Variants in CRB1 observed in about 807,000 individuals in gnomAD.
The protein encoded by CRB1 is protein crumbs homolog 1.
Under a neutral mutation model 120.0 loss-of-function variants are expected in CRB1, and 83 were observed. The ratio of observed to expected loss-of-function variants is 0.69; its 90% CI spans 0.58 to 0.83. The LOEUF (loss-of-function observed/expected upper bound fraction) is 0.83. Among genes scored for constraint, CRB1 ranks in the 40% least tolerant of loss-of-function variants. The pLI is 0.00. For synonymous variants in CRB1, 625 were observed against 612.5 expected (o/e 1.02, Z -0.30); for missense variants, 1,699 against 1,687.6 (o/e 1.01, Z -0.12).
At chr1:197,237,918 G>GAA in the CRB1 span, among the ~76,000 whole-genome samples, 14 of 151,628 alleles carry the variant, frequency 9.2e-5, no homozygotes, top group Non-Finnish European at 1.3e-4. Flanking sequence ...TCTTTTTCTA[G>GAA]GTTCTTGAGA....
chr1:197,310,294 A>T (rs182496182), intron 1 of CRB1, among the ~76,000 whole-genome samples: 61 of 152,128 alleles, frequency 4.0e-4, no homozygotes, highest in African/African-American at 1.4e-3. Flanking sequence ...AGAAAAATAT[A>T]AAAAAAACCC....
chr1:197,360,835 G>GT (rs1368171987), intron 5 of CRB1, among the ~76,000 whole-genome samples: 1 of 152,148 alleles, frequency 6.6e-6, no homozygotes, highest in Non-Finnish European at 1.5e-5. Flanking sequence ...GAGAGCAGAC[G>GT]TCTTGCTTCA....
chr1:197,425,676 A>T (rs994102416), intron 6 of CRB1, among the ~76,000 whole-genome samples: 28 of 151,946 alleles, frequency 1.8e-4, no homozygotes, highest in African/African-American at 6.5e-4. Flanking sequence ...CTCCTGAAAA[A>T]CTATTTTCTC....
intron 1 of CRB1, among the ~76,000 whole-genome samples, chr1:197,279,684 A>G (rs1655414078): frequency 6.6e-6 from 1 of 151,784 alleles, no homozygotes; most frequent in African/African-American, 2.4e-5. Context: ...AACTAAGGCA[A>G]AGTTTGCATA....
chr1:197,477,538 C>G, intron 11 of CRB1, 126 bp from the exon 12 acceptor site: 1 of 806,598 alleles, frequency 1.2e-6, no homozygotes, highest in Non-Finnish European at 2.2e-6. Flanking sequence ...ATACCTTGGT[C>G]TTTTTACAGT....
intron 5 of CRB1, among the ~76,000 whole-genome samples, chr1:197,416,344 A>C (rs1663999244): frequency 6.6e-6 from 1 of 152,208 alleles, no homozygotes. Flanking sequence ...AAACTTTCCT[A>C]AATATGCTCT....
intron 1 of CRB1, among the ~76,000 whole-genome samples, chr1:197,274,762 G>T (rs1655109848): frequency 6.6e-6 from 1 of 152,104 alleles, no homozygotes; most frequent in African/African-American, 2.4e-5. Flanking sequence ...TGACTTGATA[G>T]TTCATTTCTT....
upstream of CRB1, among the ~76,000 whole-genome samples, chr1:197,266,560 T>C (rs1282665375): frequency 1.3e-5 from 2 of 152,122 alleles, no homozygotes; most frequent in Non-Finnish European, 2.9e-5. Context: ...ATTATATGTT[T>C]TTCTAAAGGA....
chr1:197,332,567 T>C (rs1473959845), intron 2 of CRB1, among the ~76,000 whole-genome samples: 4 of 151,900 alleles, frequency 2.6e-5, no homozygotes, highest in Non-Finnish European at 5.9e-5. Flanking sequence ...AAAAATGCAG[T>C]CATAGGCTTG....
chr1:197,453,834 A>AT lies in CRB1; in HGVS notation c.4005+11543dup, dbSNP rs532452587. 2.3e-4 allele frequency among the ~76,000 whole-genome samples: 32 copies of AT among 140,940 alleles called. No individual in the cohort carries two copies. In the East Asian group the frequency reaches 5.7e-3, roughly 25 times the overall value. The allele number at this position is 140,940 out of a possible 152,430, so 92.5% of individuals were successfully genotyped here. ...ATATTGTTAATTATTAATTATTAAT[A>AT]TATTATCAATATTATTATTAATATA... is the stretch of plus-strand genomic sequence containing the variant. On this transcript the variant is annotated intron_variant, in intron 11 of 11. Coordinates refer to ENST00000367400, the MANE Select transcript of CRB1 (RefSeq NM_201253.3).
Position 197,328,541 on chromosome 1 carries a change from G to A in CRB1, c.190G>A (p.Asp64Asn). 1 of 1,614,124 alleles carries A rather than the reference G, an allele frequency of 6.2e-7. No individual in the cohort carries two copies. The highest frequency in any genetic ancestry group is 8.5e-7 in the Non-Finnish European group (1 of 1,180,026). Residue 64 changes from aspartate (D) to asparagine (N), a missense_variant, in exon 2 of 12, where the codon GAC (aspartate) becomes AAC (asparagine). Physicochemically the swap from Asp to Asn is conservative, Grantham distance 23 (BLOSUM62 1). Transcript: ENST00000367400. ...CSCSDTANNLDKDCDNMKDPC... is the reference protein window; with the variant it reads ...CSCSDTANNLNKDCDNMKDPC... ...TTGTTCAGACACAGCCAATAATTTG[G>A]ACAAAGACTGTGACAACATGAAAGA...
intron 3 of CRB1, among the ~76,000 whole-genome samples, chr1:197,345,026 T>C (rs2125329419): frequency 6.6e-6 from 1 of 152,322 alleles, no homozygotes; most frequent in Middle Eastern, 3.4e-3. Flanking sequence ...TCATTGGCTT[T>C]CAGGCAAAAT....
the CRB1 span, among the ~76,000 whole-genome samples, chr1:197,252,774 A>G: frequency 0.94 from 140,982 of 150,564 alleles, 66,122 homozygotes; most frequent in East Asian, 1. Context: ...AATTCAGCTC[A>G]AGTCCGAAGG....
intron 5 of CRB1, chr1:197,357,722 A>G (rs764698438): frequency 6.6e-6 from 1 of 152,668 alleles, no homozygotes; most frequent in Non-Finnish European, 1.5e-5. Context: ...TCTGGAAAAT[A>G]TATCAGTTGT....
chr1:197,259,037 G>T, the CRB1 span, among the ~76,000 whole-genome samples: 895 of 152,298 alleles, frequency 5.9e-3, 8 homozygotes, highest in African/African-American at 0.018. Context: ...AACAGATGCT[G>T]GCGAGGTTGT....
At chr1:197,417,687 C>T (rs917641317) in intron 5 of CRB1, among the ~76,000 whole-genome samples, 2 of 152,120 alleles carry the variant, frequency 1.3e-5, no homozygotes, top group African/African-American at 4.8e-5. Flanking sequence ...ATAACAAATA[C>T]CAACTTTAAA....
intron 1 of CRB1, among the ~76,000 whole-genome samples, chr1:197,273,297 AG>A (rs1367279684): frequency 2.6e-5 from 4 of 152,106 alleles, no homozygotes; most frequent in African/African-American, 9.7e-5. Context: ...ACAAAGGCAA[AG>A]GGTTATCCTC....
At chr1:197,411,213 G>T (rs1000948845) in intron 5 of CRB1, among the ~76,000 whole-genome samples, 2 of 151,904 alleles carry the variant, frequency 1.3e-5, no homozygotes, top group African/African-American at 4.8e-5. Context: ...AAAATATTTC[G>T]AGTTCAAATT....
At chr1:197,278,925 A>G (rs1466635502) in intron 1 of CRB1, among the ~76,000 whole-genome samples, 1 of 151,930 alleles carries the variant, frequency 6.6e-6, no homozygotes. Context: ...GCCTAAGAAA[A>G]TCATCACACT....
Sources: allele counts gnomAD v4.1 joint callset (sites outside exome capture counted in the v4.1 genomes callset), GRCh38; gene constraint gnomAD v4.1.1; transcripts MANE v1.5; gene names NCBI Gene and HGNC (gene_info 2026-07-23, HGNC 2026-07-21).